COL25A1: variants seen among roughly 807,000 people sequenced by gnomAD.
The protein encoded by COL25A1 is collagen alpha-1(XXV) chain.
COL25A1 carries 103 observed loss-of-function variants against 128.4 expected under a neutral mutation model. The ratio of observed to expected loss-of-function variants is 0.80; its 90% confidence interval spans 0.68 to 0.94. The LOEUF (loss-of-function observed/expected upper bound fraction) is 0.94, where lower values mean the gene tolerates loss of function less well. Among genes scored for constraint, COL25A1 ranks in the 40% least tolerant of loss-of-function variants. The pLI is 0.00. For missense variants in COL25A1, 745 were observed against 840.0 expected (o/e 0.89, Z 1.40); for synonymous variants, 279 against 277.2 (o/e 1.01, Z -0.06).
intron 13 of COL25A1, among the ~76,000 whole-genome samples, chr4:108,903,733 A>AT (rs1314253003): frequency 6.6e-6 from 1 of 152,006 alleles, no homozygotes; most frequent in Admixed American, 6.6e-5. Context: ...TTTTATAGGC[A>AT]TTGCTTTTAT....
chr4:108,972,462 ATC>A (rs1227156074), intron 8 of COL25A1, among the ~76,000 whole-genome samples: 1 of 152,194 alleles, frequency 6.6e-6, no homozygotes, highest in Non-Finnish European at 1.5e-5. Context: ...AGCTAATACT[ATC>A]TTACTAGATA....
At position 109,069,104 on chromosome 4, in the gene COL25A1, T is replaced by C. The variant is rs1021283623; in HGVS notation, c.368-18925A>G. ...AAAATTCAAATATTTTTAAAATATT[T>C]AATATTTAAATATTTTAAACTTTAA... On this transcript the variant is annotated intron_variant, in intron 3 of 37. Transcript: ENST00000399132. Among the ~76,000 whole-genome samples, 4 of 151,808 alleles carry C rather than the reference T, an allele frequency of 2.6e-5. No individual in the cohort carries two copies. The East Asian group carries it at 7.7e-4, about 29-fold the overall frequency.
chr4:109,031,991 T>G (rs568111377), intron 5 of COL25A1, among the ~76,000 whole-genome samples: 6 of 152,318 alleles, frequency 3.9e-5, no homozygotes, highest in African/African-American at 1.4e-4. Flanking sequence ...AATATAGGTA[T>G]TGATAGCTTA....
intron 3 of COL25A1, among the ~76,000 whole-genome samples, chr4:109,062,565 T>G (rs1334834500): frequency 6.9e-6 from 1 of 145,510 alleles, no homozygotes; most frequent in Non-Finnish European, 1.6e-5. Context: ...GTAAAATAAA[T>G]TCTGTACACA....
chr4:109,289,021 T>G (rs938889722), intron 3 of COL25A1, among the ~76,000 whole-genome samples: 2 of 151,250 alleles, frequency 1.3e-5, no homozygotes, highest in African/African-American at 4.9e-5. Context: ...ATACAAAATT[T>G]TTTGCTTACC....
At chr4:108,956,966 A>G (rs7681196) in intron 8 of COL25A1, among the ~76,000 whole-genome samples, 6,628 of 152,268 alleles carry the variant, frequency 0.044, 369 homozygotes, top group African/African-American at 0.13. Flanking sequence ...ATAAATACAC[A>G]ATTGAGGAGC....
chr4:109,285,150 A>C (rs910340790), intron 3 of COL25A1, among the ~76,000 whole-genome samples: 2 of 152,192 alleles, frequency 1.3e-5, no homozygotes, highest in East Asian at 3.9e-4. Flanking sequence ...AATTAAGGGA[A>C]TTTATTCTAA....
intron 3 of COL25A1, among the ~76,000 whole-genome samples, chr4:109,195,731 A>T (rs1775986334): frequency 6.6e-6 from 1 of 152,176 alleles, no homozygotes; most frequent in African/African-American, 2.4e-5. Context: ...AACAAAATTC[A>T]TGTTTTACTG....
chr4:109,269,749 G>A lies in COL25A1; in HGVS notation c.367+30834C>T, dbSNP rs1023470676. Among the ~76,000 whole-genome samples the A allele has an allele frequency of 5.3e-5, 8 of 152,008 alleles. No homozygotes were observed. In the East Asian group the frequency reaches 9.7e-4, roughly 18 times the overall value. The stretch of plus-strand genomic sequence containing the variant: ...ATGTCTTCTTTCTGATACCAAAGCC[G>A]GGCAGAGACACAACCAAAAAAGAGA... On this transcript the variant is annotated intron_variant, in intron 3 of 37. Coordinates refer to ENST00000399132, the MANE Select transcript of COL25A1 (RefSeq NM_198721.4).
chr4:109,102,209 G>C (rs1348372429), intron 3 of COL25A1, among the ~76,000 whole-genome samples: 1 of 151,952 alleles, frequency 6.6e-6, no homozygotes, highest in African/African-American at 2.4e-5. Context: ...AAAATATAAT[G>C]TATAAAACTA....
chr4:109,215,926 C>G (rs530370852), intron 3 of COL25A1, among the ~76,000 whole-genome samples: 3 of 152,048 alleles, frequency 2.0e-5, no homozygotes, highest in Admixed American at 2.0e-4. Context: ...CTTTTTAATA[C>G]GTTACATGTG....
rs1052645026 is a variant in COL25A1 at position 109,029,554 on chromosome 4, A to T, written c.420+18614T>A. Among the ~76,000 whole-genome samples, 4 of 152,128 alleles carry T rather than the reference A, an allele frequency of 2.6e-5. 1 individual carries two copies. The East Asian group carries it at 7.7e-4, about 29-fold the overall frequency. On this transcript the variant is annotated intron_variant, in intron 5 of 37. Transcript: ENST00000399132. ...TTCTATTTTATTATTGTTGTTGTTC[A>T]TCTCTTACTGTAGCTAATTTATAAG...
At chr4:108,924,610 T>C (rs1035032085) in intron 11 of COL25A1, among the ~76,000 whole-genome samples, 1 of 152,164 alleles carries the variant, frequency 6.6e-6, no homozygotes, top group African/African-American at 2.4e-5. Flanking sequence ...GTTAAACCCA[T>C]TTCTTGCTCC....
At chr4:108,897,399 T>C (rs1742267983) in intron 15 of COL25A1, among the ~76,000 whole-genome samples, 1 of 152,216 alleles carries the variant, frequency 6.6e-6, no homozygotes, top group African/African-American at 2.4e-5. Flanking sequence ...ATTAGGGAAA[T>C]AAGCATTCGT....
intron 6 of COL25A1, among the ~76,000 whole-genome samples, chr4:108,988,662 TC>T (rs1187206978): frequency 6.6e-6 from 1 of 152,150 alleles, no homozygotes; most frequent in African/African-American, 2.4e-5. Flanking sequence ...CTGTTTTTAC[TC>T]CCCCCACATT....
At chr4:108,875,050 T>A (rs544810033) in intron 19 of COL25A1, among the ~76,000 whole-genome samples, 1 of 152,326 alleles carries the variant, frequency 6.6e-6, no homozygotes, top group African/African-American at 2.4e-5. Context: ...TTCCTCACAT[T>A]GGTGCTGAGG....
chr4:108,898,609 C>A (rs1742429928), intron 15 of COL25A1, among the ~76,000 whole-genome samples: 1 of 152,112 alleles, frequency 6.6e-6, no homozygotes, highest in Admixed American at 6.6e-5. Flanking sequence ...TATGGGAATT[C>A]TTTGTGGGCA....
At chr4:108,886,715 C>G (rs1229996550) in intron 18 of COL25A1, among the ~76,000 whole-genome samples, 1 of 151,998 alleles carries the variant, frequency 6.6e-6, no homozygotes. Context: ...GGATTTGATT[C>G]GTTATCCCAT....
intron 3 of COL25A1, among the ~76,000 whole-genome samples, chr4:109,218,356 G>GGTTTTTTTTTTGTTTGTTTTTTTTTT (rs1553961819): frequency 1.0e-5 from 1 of 100,470 alleles, no homozygotes; most frequent in Non-Finnish European, 1.8e-5. Flanking sequence ...GGTTTTTTGG[G>GGTTTTTTTTTTGTTTGTTTTTTTTTT]GTTTTTTTTT....
Sources: gnomAD v4.1 joint callset for allele counts (sites outside exome capture counted in the v4.1 genomes callset) on GRCh38, gnomAD v4.1.1 for gene constraint, MANE v1.5 for transcripts, NCBI Gene and HGNC (gene_info 2026-07-23, HGNC 2026-07-21) for gene names.